The following KCNH4 variants were observed in gnomAD, a reference collection of about 807,000 sequenced individuals.
KCNH4 encodes the protein voltage-gated delayed rectifier potassium channel KCNH4.
Under a neutral mutation model 90.7 loss-of-function variants are expected in KCNH4, and 33 were observed. The observed-to-expected ratio is 0.36, with a 90% CI of 0.28 to 0.49. The LOEUF is 0.49. Among genes scored for constraint, KCNH4 ranks in the 20% least tolerant of loss-of-function variants. The probability of loss-of-function intolerance (pLI) is 0.98; values close to 1 mark genes in which losing one functional copy is unlikely to be tolerated. For synonymous variants in KCNH4, 551 were observed against 581.7 expected (o/e 0.95, Z 0.76); for missense variants, 1,044 against 1,387.1 (o/e 0.75, Z 3.93).
At position 42,163,408 on chromosome 17, in the gene KCNH4, TGGGGGCAGCAGTGCCA is replaced by T. The variant is rs1378719807; in HGVS notation, c.2478-90_2478-75del. On this transcript the variant is annotated intron_variant, in intron 13 of 16. Coordinates refer to ENST00000264661, the MANE Select transcript of KCNH4 (RefSeq NM_012285.3). The surrounding 1 kb of genome is among the most constrained non-coding windows in gnomAD (Gnocchi z 5.4). ...CAGAGCAGAGCAGACAGAGGGGGAC[TGGGGGCAGCAGTGCCA>T]GGGGGCGGAGCAAGAGCAGCAGTCA... The T allele has an allele frequency of 8.8e-7, 1 of 1,133,892 alleles. No homozygotes were observed. Among genetic ancestry groups the T allele is most frequent in the Non-Finnish European group, 1.3e-6 (1 of 764,998 alleles). The allele number at this position is 1,133,892 out of a possible 1,614,324, so 70.2% of individuals were successfully genotyped here.
rs866138501 is a variant in KCNH4, at chr17:42,167,985, C to T, written c.1591-1439G>A. On this transcript the variant is annotated intron_variant, in intron 9 of 16. Coordinates refer to ENST00000264661, the MANE Select transcript of KCNH4 (RefSeq NM_012285.3). ...GCCCATTCCTGCGGGCTTATTGAGCCGCTTTCAGTTCCCTAAAGCGCTCAC... is the reference window on the plus strand; with the variant it reads ...GCCCATTCCTGCGGGCTTATTGAGCTGCTTTCAGTTCCCTAAAGCGCTCAC... Among the ~76,000 whole-genome samples the T allele has an allele frequency of 3.3e-5, 5 of 152,288 alleles. No individual in the cohort carries two copies. The East Asian group carries it at 7.7e-4, about 24-fold the overall frequency.
chr17:42,180,651 C>A lies in KCNH4; in HGVS notation c.76+219G>T, dbSNP rs1290073180. Among the ~76,000 whole-genome samples the A allele has an allele frequency of 6.6e-6, 1 of 151,992 alleles. No homozygotes were observed. Among genetic ancestry groups the A allele is most frequent in the Admixed American group, 6.5e-5 (1 of 15,274 alleles). The stretch of plus-strand genomic sequence containing the variant: ...AGAGCCTCTTCTGCCTCGAGTCACA[C>A]CCCCTAACCTTGGCCCCCGTGCTCT... On this transcript the variant is annotated intron_variant, in intron 1 of 16. Transcript: ENST00000264661. This position sits in a 1 kb window ranked among gnomAD's most constrained non-coding sequence, Gnocchi z 4.7.
At chr17:42,158,530 C>CAA (rs554370674) in intron 16 of KCNH4, among the ~76,000 whole-genome samples, 4 of 100,156 alleles carry the variant, frequency 4.0e-5, no homozygotes, top group Admixed American at 2.1e-4. Context: ...GACTCCGTCT[C>CAA]AAAAAAAAAA....
In KCNH4 at chr17:42,164,461, G is replaced by A. The variant is rs187188196; in HGVS notation, c.2086-293C>T. On this transcript the variant is annotated intron_variant, in intron 11 of 16. Coordinates refer to ENST00000264661, the MANE Select transcript of KCNH4 (RefSeq NM_012285.3). ...AGGAACCCCCAGGGCATGATGCCCCGTCCAGAGAGGGGCTTGAAAGAGGAG... is the reference window on the plus strand; with the variant it reads ...AGGAACCCCCAGGGCATGATGCCCCATCCAGAGAGGGGCTTGAAAGAGGAG... Among the ~76,000 whole-genome samples, 385 of 152,330 alleles carry A rather than the reference G, an allele frequency of 2.5e-3. 2 individuals are homozygous for A. Among genetic ancestry groups the A allele is most frequent in the Non-Finnish European group, 4.2e-3 (287 of 68,034 alleles).
At chr17:42,169,726 C>T (rs768329711) in intron 8 of KCNH4, 50 bp from the exon 9 acceptor site, 6 of 1,579,926 alleles carry the variant, frequency 3.8e-6, no homozygotes, top group East Asian at 4.5e-5. Context: ...CTCTGGCCAC[C>T]TCCCCAGCTC....
chr17:42,163,920 C>T lies in KCNH4; in HGVS notation c.2163G>A (p.Thr721=), dbSNP rs369021964. 3.2e-6 allele frequency: 5 copies of T among 1,547,070 alleles called. No individual in the cohort carries two copies. The highest frequency in any genetic ancestry group is 4.4e-6 in the Non-Finnish European group (5 of 1,146,614). Residue 721 remains threonine, a synonymous_variant, in exon 13 of 17, where the codon ACG becomes ACA. Coordinates refer to ENST00000264661, the MANE Select transcript of KCNH4 (RefSeq NM_012285.3). The surrounding 1 kb of genome is among the most constrained non-coding windows in gnomAD (Gnocchi z 5.4). ...TCTCGGCCTCTGTGATGGATGGCAG[C>T]GTCTTGTCTGAGGAGGAGCCGAGGC... ...SESLGSSSDK[T]LPSITEAESG...
intron 9 of KCNH4, among the ~76,000 whole-genome samples, chr17:42,167,330 G>A (rs958137699): frequency 7.9e-5 from 12 of 152,086 alleles, no homozygotes; most frequent in South Asian, 2.1e-4. Flanking sequence ...GCAGTGGCAC[G>A]ATCTCAGCTC....
At position 42,171,947 on chromosome 17, in the gene KCNH4, G is replaced by A. The variant is rs1293087300; in HGVS notation, c.1036C>T (p.Arg346Trp). The A allele has an allele frequency of 2.5e-6, 4 of 1,606,550 alleles. No homozygotes were observed. Among genetic ancestry groups the A allele is most frequent in the South Asian group, 1.1e-5 (1 of 90,580 alleles). ...LKTVRLLRLL[R>W]LLQKLERYSQ... Reference sequence around the variant, plus strand: ...TACCGCTCCAGCTTCTGCAGCAGCCGCAGCAGCCGCAACAGCCGCACTGTC... The same window carrying A: ...TACCGCTCCAGCTTCTGCAGCAGCCACAGCAGCCGCAACAGCCGCACTGTC... Residue 346 changes from arginine to tryptophan, a missense_variant, in exon 7 of 17, where the codon CGG becomes TGG. Physicochemically the swap from Arg to Trp is moderately radical, Grantham distance 101. Transcript: ENST00000264661.
At chr17:42,159,679 C>G (rs1598265414) in intron 16 of KCNH4, 52 bp downstream of exon 16, 1 of 193,108 alleles carries the variant, frequency 5.2e-6, no homozygotes, top group East Asian at 1.3e-4. Context: ...CCCTTCATGT[C>G]CTAGGCTGGA....
intron 7 of KCNH4, 109 bp downstream of exon 7, chr17:42,171,679 G>A (rs1935311454): frequency 4.1e-6 from 4 of 978,840 alleles, no homozygotes; most frequent in Admixed American, 3.5e-5. Flanking sequence ...ATGTTTGTTG[G>A]ATGGATAGAG....
intron 11 of KCNH4, 85 bp from the exon 12 acceptor site, chr17:42,164,253 A>G (rs1598269260): frequency 9.6e-6 from 12 of 1,250,496 alleles, no homozygotes; most frequent in Non-Finnish European, 1.3e-5. Flanking sequence ...CAACAGTGTT[A>G]TGGGGTTGAG....
intron 6 of KCNH4, among the ~76,000 whole-genome samples, chr17:42,173,733 C>G (rs964148669): frequency 9.2e-6 from 1 of 108,552 alleles, no homozygotes; most frequent in East Asian, 3.3e-4. Flanking sequence ...GAGACAGAGT[C>G]CCTGTCGCCC....
At chr17:42,168,772 A>ATTTTTTTTTTTTTTTTTTTTTTTTTTTTT (rs1568034449) in intron 9 of KCNH4, among the ~76,000 whole-genome samples, 3 of 150,548 alleles carry the variant, frequency 2.0e-5, no homozygotes, top group African/African-American at 7.3e-5. Context: ...TTTTATTTTT[A>ATTTTTTTTTTTTTTTTTTTTTTTTTTTTT]TTTTTATTTT....
In KCNH4 at chr17:42,163,743, T is replaced by G. The variant is rs2079766028; in HGVS notation, c.2340A>C (p.Pro780=). The G allele has an allele frequency of 1.3e-6, 2 of 1,551,114 alleles. No homozygotes were observed. The highest frequency in any genetic ancestry group is 8.7e-7 in the Non-Finnish European group (1 of 1,152,522). Residue 780 remains proline, a synonymous_variant, in exon 13 of 17, where the codon CCA becomes CCC. Transcript: ENST00000264661. The surrounding 1 kb of genome is among the most constrained non-coding windows in gnomAD (Gnocchi z 5.4). ...GGCCAGCCAGGGCAGGGGACAGGGATGGGGATAAGGAAGGAGAGGAGACAA... is the reference window on the plus strand; with the variant it reads ...GGCCAGCCAGGGCAGGGGACAGGGAGGGGGATAAGGAAGGAGAGGAGACAA... The part of the protein sequence containing the change: ...SALVSSPSLS[P]SLSPALAGQG...
intron 9 of KCNH4, 48 bp from the exon 10 acceptor site, chr17:42,166,594 C>A: frequency 1.3e-6 from 2 of 1,572,266 alleles, no homozygotes; most frequent in Non-Finnish European, 1.7e-6. Flanking sequence ...GCAGCTACTA[C>A]TTGAGTCTAC....
At chr17:42,158,753 T>C (rs1043763462) in intron 16 of KCNH4, among the ~76,000 whole-genome samples, 1 of 150,878 alleles carries the variant, frequency 6.6e-6, no homozygotes, top group Non-Finnish European at 1.5e-5. Context: ...GAGAATGGCA[T>C]GAACCCAGGA....
In KCNH4 at chr17:42,172,009, G is replaced by A. The variant is rs1469670621; in HGVS notation, c.988-14C>T. 1 of 1,570,168 alleles carries A rather than the reference G, an allele frequency of 6.4e-7. No individual in the cohort carries two copies. The highest frequency in any genetic ancestry group is 8.6e-7 in the Non-Finnish European group (1 of 1,158,496). ...CACCAGCGAGGTCTGCAGGAAGGTG[G>A]CGGGGGAGGCTGTCAGCAGGCACAC... On this transcript the variant is annotated splice_polypyrimidine_tract_variant and intron_variant, in intron 6 of 16. Coordinates refer to ENST00000264661, the MANE Select transcript of KCNH4 (RefSeq NM_012285.3).
Position 42,176,125 on chromosome 17 carries a change from T to C in KCNH4, c.758A>G (p.Asp253Gly), listed in dbSNP as rs1387565678. 6.2e-7 allele frequency: 1 copy of C among 1,613,646 alleles called. No individual in the cohort carries two copies. Among genetic ancestry groups the C allele is most frequent in the Admixed American group, 1.7e-5 (1 of 59,986 alleles). ...TVPYNVCFSGDDDTPITSRHT... is the reference protein window; with the variant it reads ...TVPYNVCFSGGDDTPITSRHT... ...TCGCGAAGTGATGGGGGTGTCATCGTCACCCGAGAAACAGACATTGTAGGG... is the reference window on the plus strand; with the variant it reads ...TCGCGAAGTGATGGGGGTGTCATCGCCACCCGAGAAACAGACATTGTAGGG... The change falls in exon 5 of 17, where the codon GAC (aspartate) becomes GGC (glycine). Residue 253 changes from aspartate to glycine, a missense_variant. Physicochemically the swap from Asp to Gly is moderately conservative, Grantham distance 94. Transcript: ENST00000264661.
chr17:42,170,104 C>T lies in KCNH4; in HGVS notation c.1390+3G>A. The T allele has an allele frequency of 1.9e-6, 3 of 1,595,448 alleles. No individual in the cohort carries two copies. Among genetic ancestry groups the T allele is most frequent in the Non-Finnish European group, 2.6e-6 (3 of 1,169,478 alleles). On this transcript the variant is annotated splice_donor_region_variant and intron_variant, in intron 8 of 16. Transcript: ENST00000264661. ...CACTGAGGCGTGGCAGGTCTGGCCT[C>T]ACCGCCTATGAGCATCGTGCAGATG...
Sources: allele counts gnomAD v4.1 joint callset (sites outside exome capture counted in the v4.1 genomes callset), GRCh38; gene constraint gnomAD v4.1.1; non-coding constraint Gnocchi (gnomAD v3.1); transcripts MANE v1.5; gene names NCBI Gene and HGNC (gene_info 2026-07-23, HGNC 2026-07-21).